ARHGAP5: variants seen among roughly 807,000 people sequenced by gnomAD.
ARHGAP5 encodes the protein rho GTPase-activating protein 5.
ARHGAP5 carries 23 observed loss-of-function variants against 116.6 expected under a neutral mutation model. That is an observed-to-expected ratio of 0.20 (90% CI 0.14 to 0.28). The LOEUF (loss-of-function observed/expected upper bound fraction) is 0.28, where lower values mean the gene tolerates loss of function less well. Ranked by LOEUF, ARHGAP5 falls within the 10% of genes least tolerant of loss-of-function variation. The pLI is 1.00. For missense variants in ARHGAP5, 1,405 were observed against 1,774.8 expected (o/e 0.79, Z 3.74); for synonymous variants, 574 against 602.0 (o/e 0.95, Z 0.68).
chr14:32,139,610 A>G (rs1426168848), intron 3 of ARHGAP5, among the ~76,000 whole-genome samples: 3 of 151,712 alleles, frequency 2.0e-5, no homozygotes, highest in Non-Finnish European at 2.9e-5. Context: ...TCCTTGGTAA[A>G]TCTAGCTAAA....
Position 32,093,052 on chromosome 14 carries a change from A to T in ARHGAP5, c.2383A>T (p.Ile795Phe), listed in dbSNP as rs1215847701. The T allele has an allele frequency of 1.9e-6, 3 of 1,613,962 alleles. No homozygotes were observed. Among genetic ancestry groups the T allele is most frequent in the Non-Finnish European group, 1.7e-6 (2 of 1,179,912 alleles). The change falls in exon 2 of 7, where the codon ATT (isoleucine) becomes TTT (phenylalanine). Residue 795 changes from isoleucine (I) to phenylalanine (F), a missense_variant. Coordinates refer to ENST00000345122, the MANE Select transcript of ARHGAP5 (RefSeq NM_001030055.2). ...MCGDPFSVDLILSPFLDSHSC... is the reference protein window; with the variant it reads ...MCGDPFSVDLFLSPFLDSHSC... ...TGGAGATCCATTTAGTGTGGATCTT[A>T]TTCTTTCACCCTTCCTTGATTCTCA...
At chr14:32,135,450 T>C (rs1443285676) in intron 3 of ARHGAP5, among the ~76,000 whole-genome samples, 1 of 152,062 alleles carries the variant, frequency 6.6e-6, no homozygotes, top group African/African-American at 2.4e-5. Flanking sequence ...TGAGGTGGAG[T>C]CTCCCTCTGT....
At chr14:32,145,653 T>C (rs903463877) in intron 3 of ARHGAP5, among the ~76,000 whole-genome samples, 2 of 152,158 alleles carry the variant, frequency 1.3e-5, no homozygotes, top group African/African-American at 2.4e-5. Context: ...CGGTTTGCCT[T>C]CTTCTCTCCA....
At chr14:32,127,430 C>T (rs1311803586) in intron 3 of ARHGAP5, among the ~76,000 whole-genome samples, 2 of 152,136 alleles carry the variant, frequency 1.3e-5, no homozygotes, top group African/African-American at 2.4e-5. Flanking sequence ...TCTTGCACCG[C>T]CCTTAATCCA....
rs1436360747 is a variant in ARHGAP5, at chr14:32,159,313, C to G, written c.*4365C>G. The G allele has an allele frequency of 6.6e-6, 1 of 152,058 alleles. No homozygotes were observed. The highest frequency in any genetic ancestry group is 6.6e-5 in the Admixed American group (1 of 15,260). The allele number at this position is 152,058 out of a possible 1,614,324, so 9.4% of individuals were successfully genotyped here. A position where few individuals can be genotyped will look rare whatever the true frequency, so the allele number is the denominator to read the frequency against. On this transcript the variant is annotated 3_prime_UTR_variant, in exon 7 of 7. Transcript: ENST00000345122. ...TGTTTATTCTCACAATTCAGATTTT[C>G]TATTCAGTTTTGTCTCAAATAGTAA...
intron 2 of ARHGAP5, among the ~76,000 whole-genome samples, chr14:32,101,944 C>T (rs111985607): frequency 0.014 from 2,121 of 152,118 alleles, 56 homozygotes; most frequent in African/African-American, 0.048. Flanking sequence ...GATCGTGCCA[C>T]TGCACTCCAG....
At chr14:32,134,993 ATCTG>A (rs139547943) in intron 3 of ARHGAP5, among the ~76,000 whole-genome samples, 5,291 of 152,154 alleles carry the variant, frequency 0.035, 127 homozygotes, top group Middle Eastern at 0.058. Context: ...TATCTCATTA[ATCTG>A]TCTTTTTCAC....
At position 32,090,877 on chromosome 14, in the gene ARHGAP5, G is replaced by A; in HGVS notation, c.208G>A (p.Asp70Asn). Residue 70 changes from aspartate (D) to asparagine (N), a missense_variant, in exon 2 of 7, where the codon GAT (aspartate) becomes AAT (asparagine). Transcript: ENST00000345122. ...CTTTGGAGGACGAGTAGTAAACAATGATCACTTTTTGTACTGGGGTGACAT... is the reference window on the plus strand; with the variant it reads ...CTTTGGAGGACGAGTAGTAAACAATAATCACTTTTTGTACTGGGGTGACAT... ...IDFGGRVVNN[D>N]HFLYWGDIIQ... The A allele has an allele frequency of 6.2e-7, 1 of 1,613,618 alleles. No homozygotes were observed. The highest frequency in any genetic ancestry group is 1.1e-5 in the South Asian group (1 of 91,054).
chr14:32,140,457 G>A (rs137949313), intron 3 of ARHGAP5, among the ~76,000 whole-genome samples: 73 of 152,080 alleles, frequency 4.8e-4, no homozygotes, highest in African/African-American at 1.6e-3. Flanking sequence ...TGTGTTGGCG[G>A]GCGCATGCTG....
chr14:32,156,289 A>T lies in ARHGAP5; in HGVS notation c.*1341A>T, dbSNP rs1881889618. 1 of 152,456 alleles carries T rather than the reference A, an allele frequency of 6.6e-6. No individual in the cohort carries two copies. Among genetic ancestry groups the T allele is most frequent in the Admixed American group, 6.5e-5 (1 of 15,270 alleles). 9.4% of individuals were successfully genotyped at this position (152,456 alleles called of 1,614,324 possible). On this transcript the variant is annotated 3_prime_UTR_variant, in exon 7 of 7. Transcript: ENST00000345122. ...ATTTTGTGTAGTAAAGAAAAAAATT[A>T]TTTGGTCAATGTTATCTTAATTCAT...
rs1878422447 is a variant in ARHGAP5, at chr14:32,094,373, A to G, written c.3704A>G (p.Lys1235Arg). Residue 1235 changes from lysine (K) to arginine (R), a missense_variant, in exon 2 of 7, where the codon AAA becomes AGA. This residue lies in a region of ARHGAP5 where 176 missense variants were observed against 221.2 expected (regional missense o/e 0.80). Coordinates refer to ENST00000345122, the MANE Select transcript of ARHGAP5 (RefSeq NM_001030055.2). ...ATGAAGAAGAAAACCCACAAAGTGA[A>G]AGAAGATAAAAAGGTAAGGTTAACT... ...KKMKKKTHKVKEDKKQKKKTK... is the reference protein window; with the variant it reads ...KKMKKKTHKVREDKKQKKKTK... 2.5e-6 allele frequency: 4 copies of G among 1,571,106 alleles called. No individual in the cohort carries two copies. Among genetic ancestry groups the G allele is most frequent in the African/African-American group, 1.4e-5 (1 of 72,396 alleles).
chr14:32,133,686 T>A (rs1372847933), intron 3 of ARHGAP5, among the ~76,000 whole-genome samples: 1 of 152,188 alleles, frequency 6.6e-6, no homozygotes, highest in Non-Finnish European at 1.5e-5. Flanking sequence ...TGCTTCCAGT[T>A]TTTGCCCATT....
rs767436412 is a variant in ARHGAP5 at position 32,159,394 on chromosome 14, G to T, written c.*4446G>T. 4.0e-5 allele frequency: 6 copies of T among 151,870 alleles called. No individual in the cohort carries two copies. Among genetic ancestry groups the T allele is most frequent in the Non-Finnish European group, 8.8e-5 (6 of 67,938 alleles). 9.4% of individuals were successfully genotyped at this position (151,870 alleles called of 1,614,324 possible). A position where few individuals can be genotyped will look rare whatever the true frequency, so the allele number is the denominator to read the frequency against. ...CTGTTCTAGTTTGCCTAATATTTTA[G>T]TTAAGATTTAGTGTTTTAACCTATT... is the stretch of plus-strand genomic sequence containing the variant. On this transcript the variant is annotated 3_prime_UTR_variant, in exon 7 of 7. Transcript: ENST00000345122.
At chr14:32,134,894 A>G (rs550231132) in intron 3 of ARHGAP5, among the ~76,000 whole-genome samples, 4 of 152,190 alleles carry the variant, frequency 2.6e-5, no homozygotes, top group Non-Finnish European at 5.9e-5. Context: ...CGTTTACAAG[A>G]ATGACTCCCA....
intron 3 of ARHGAP5, among the ~76,000 whole-genome samples, chr14:32,143,418 GTA>G (rs1473338981): frequency 6.6e-6 from 1 of 151,906 alleles, no homozygotes; most frequent in Admixed American, 6.6e-5. Flanking sequence ...AATTTTTTTT[GTA>G]TTTTTAGTAG....
chr14:32,084,901 T>C (rs1039499579), intron 1 of ARHGAP5, among the ~76,000 whole-genome samples: 3 of 151,926 alleles, frequency 2.0e-5, no homozygotes, highest in African/African-American at 7.3e-5. Flanking sequence ...CGCAGCTGCT[T>C]AGAAGGCTGA....
At chr14:32,111,057 C>A (rs1201518335) in intron 2 of ARHGAP5, among the ~76,000 whole-genome samples, 2 of 152,186 alleles carry the variant, frequency 1.3e-5, no homozygotes, top group African/African-American at 2.4e-5. Context: ...AATAATTTAG[C>A]TTATCAGCAT....
intron 1 of ARHGAP5, among the ~76,000 whole-genome samples, chr14:32,078,677 G>A (rs2041740144): frequency 6.6e-6 from 1 of 152,132 alleles, no homozygotes; most frequent in South Asian, 2.1e-4. Context: ...AGAATGTTAG[G>A]TGGTGTTTAT....
chr14:32,090,642 A>G lies in ARHGAP5; in HGVS notation c.-28A>G. 1 of 1,528,342 alleles carries G rather than the reference A, an allele frequency of 6.5e-7. No homozygotes were observed. Among genetic ancestry groups the G allele is most frequent in the African/African-American group, 1.4e-5 (1 of 71,732 alleles). 94.7% of individuals were successfully genotyped at this position (1,528,342 alleles called of 1,614,324 possible). ...ATGAGAAGCATATCTGGTTACCTTTATGAATGTAGAGACATGAGAAGAGAG... is the reference window on the plus strand; with the variant it reads ...ATGAGAAGCATATCTGGTTACCTTTGTGAATGTAGAGACATGAGAAGAGAG... On this transcript the variant is annotated 5_prime_UTR_variant, in exon 2 of 7. An upstream start codon of the reference 5' UTR is lost. Coordinates refer to ENST00000345122, the MANE Select transcript of ARHGAP5 (RefSeq NM_001030055.2).
Sources: gnomAD v4.1 joint callset for allele counts (sites outside exome capture counted in the v4.1 genomes callset) on GRCh38, gnomAD v4.1.1 for gene constraint, gnomAD v4.1.1 regional missense constraint, MANE v1.5 for transcripts, NCBI Gene and HGNC (gene_info 2026-07-23, HGNC 2026-07-21) for gene names.